DMD: variants seen among roughly 807,000 people sequenced by gnomAD.
The protein encoded by DMD is mutant dystrophin.
In DMD, 63 loss-of-function variants were observed where a neutral mutation model predicts 330.1. That is an observed-to-expected ratio of 0.19 (90% CI 0.16 to 0.24). DMD has a LOEUF of 0.24. Among genes scored for constraint, DMD ranks in the 10% least tolerant of loss-of-function variants. DMD has a pLI of 1.00. For missense variants in DMD, 3,344 were observed against 2,684.1 expected (o/e 1.25, Z -5.43); for synonymous variants, 1,223 against 959.8 (o/e 1.27, Z -5.07).
chrX:32,720,546 T>C (rs1239221520), intron 7 of DMD, among the ~76,000 whole-genome samples: 2 of 111,884 alleles, frequency 1.8e-5, no homozygotes, highest in African/African-American at 6.5e-5. Context: ...TTTATTATCT[T>C]GGTCCATGGG....
At chrX:32,955,385 G>GTT (rs761224519) in intron 2 of DMD, among the ~76,000 whole-genome samples, 1,666 of 9,305 alleles carry the variant, frequency 0.18, 31 homozygotes, top group Middle Eastern at 0.4. Context: ...TTTTTAGTAG[G>GTT]GTTTTTTTTT....
At position 32,855,585 on chromosome X, in the gene DMD, T is replaced by C. The variant is rs768269760; in HGVS notation, c.94-5765A>G. On this transcript the variant is annotated intron_variant, in intron 2 of 78. Coordinates refer to ENST00000357033, the MANE Select transcript of DMD (RefSeq NM_004006.3). The stretch of plus-strand genomic sequence containing the variant: ...AAGAAAAGACCATCTTTTCAATAAA[T>C]GGTGCTGAGAAAACTGGATATGGAT... Among the ~76,000 whole-genome samples, 5 of 111,794 alleles carry C rather than the reference T, an allele frequency of 4.5e-5. No homozygotes were observed. In the East Asian group the frequency reaches 1.4e-3, roughly 31 times the overall value.
intron 44 of DMD, among the ~76,000 whole-genome samples, chrX:32,075,857 T>C (rs757561772): frequency 9.3e-6 from 1 of 107,863 alleles, no homozygotes; most frequent in African/African-American, 3.4e-5. Flanking sequence ...GAGACCAGCC[T>C]GGGCAACATG....
At chrX:32,570,194 T>A (rs1162571761) in intron 15 of DMD, among the ~76,000 whole-genome samples, 5 of 111,376 alleles carry the variant, frequency 4.5e-5, no homozygotes, top group African/African-American at 1.6e-4. Flanking sequence ...TTTAGCACAG[T>A]GTATCTATAC....
intron 2 of DMD, among the ~76,000 whole-genome samples, chrX:32,854,788 C>T (rs749637583): frequency 9.0e-6 from 1 of 111,226 alleles, no homozygotes; most frequent in Non-Finnish European, 1.9e-5. Context: ...AATACTCAAA[C>T]TATTGTGAAA....
At chrX:32,724,737 G>A (rs2066685145) in intron 7 of DMD, among the ~76,000 whole-genome samples, 1 of 111,338 alleles carries the variant, frequency 9.0e-6, no homozygotes, top group East Asian at 2.8e-4. Flanking sequence ...CTTCTCTTCT[G>A]GGTTTATAAT....
intron 21 of DMD, among the ~76,000 whole-genome samples, chrX:32,479,262 C>T (rs1045457222): frequency 2.7e-5 from 3 of 111,144 alleles, no homozygotes; most frequent in African/African-American, 9.8e-5. Flanking sequence ...TTAATCACCT[C>T]ACCAACTTAT....
At chrX:32,249,817 C>G (rs1401888046) in intron 43 of DMD, among the ~76,000 whole-genome samples, 1 of 111,266 alleles carries the variant, frequency 9.0e-6, no homozygotes, top group African/African-American at 3.3e-5. Flanking sequence ...CTCAAGGAGA[C>G]CTAAATATTT....
chrX:31,422,045 T>TA (rs66514775), intron 60 of DMD, among the ~76,000 whole-genome samples: 41 of 11,027 alleles, frequency 3.7e-3, no homozygotes, highest in Non-Finnish European at 0.021. Context: ...ATATATATAT[T>TA]TTTTTTTTTC....
chrX:31,283,722 G>C (rs1252275170), intron 62 of DMD, among the ~76,000 whole-genome samples: 1 of 111,995 alleles, frequency 8.9e-6, no homozygotes, highest in Non-Finnish European at 1.9e-5. Flanking sequence ...AGATCTAGCA[G>C]ATAAAGAAAA....
At chrX:32,311,532 T>G (rs187472238) in intron 41 of DMD, among the ~76,000 whole-genome samples, 10 of 111,805 alleles carry the variant, frequency 8.9e-5, no homozygotes, top group African/African-American at 2.9e-4. Flanking sequence ...TATAGCAAAT[T>G]CACAGAATTG....
chrX:32,626,218 C>T (rs1386866845), intron 11 of DMD, among the ~76,000 whole-genome samples: 1 of 111,791 alleles, frequency 8.9e-6, no homozygotes, highest in African/African-American at 3.3e-5. Flanking sequence ...GGCCTGTAAT[C>T]CCAGCATTTT....
intron 1 of DMD, among the ~76,000 whole-genome samples, chrX:33,055,526 A>C (rs375777904): frequency 2.7e-5 from 3 of 112,220 alleles, no homozygotes; most frequent in South Asian, 3.7e-4. Flanking sequence ...AAATGCCTGA[A>C]CGCAAGAAAA....
At chrX:33,245,148 G>A (rs1412376048) in intron 1 of DMD, among the ~76,000 whole-genome samples, 1 of 111,246 alleles carries the variant, frequency 9.0e-6, no homozygotes, top group Non-Finnish European at 1.9e-5. Context: ...TTTATCTGGA[G>A]TGAGGTTTTA....
At chrX:32,747,690 T>C (rs1474997153) in intron 7 of DMD, among the ~76,000 whole-genome samples, 2 of 110,370 alleles carry the variant, frequency 1.8e-5, no homozygotes, top group Non-Finnish European at 3.8e-5. Context: ...TGTTTCTCAG[T>C]CTTGTCTGGA....
chrX:31,758,019 T>C (rs748638099), intron 51 of DMD, among the ~76,000 whole-genome samples: 4 of 110,399 alleles, frequency 3.6e-5, no homozygotes, highest in Non-Finnish European at 5.7e-5. Flanking sequence ...CTTCTCCCTC[T>C]GCCCCTACAC....
At chrX:32,833,592 C>G (rs989059563) in intron 4 of DMD, among the ~76,000 whole-genome samples, 4 of 106,000 alleles carry the variant, frequency 3.8e-5, no homozygotes, top group Non-Finnish European at 3.9e-5. Context: ...TTTGTAATTA[C>G]GTATCTTTTA....
chrX:32,543,655 G>C (rs1250022760), intron 17 of DMD, among the ~76,000 whole-genome samples: 3 of 112,116 alleles, frequency 2.7e-5, no homozygotes, highest in Non-Finnish European at 5.6e-5. Flanking sequence ...TCACGGATTT[G>C]TGCCATTATG....
chrX:32,994,731 G>A (rs34884130), intron 2 of DMD, among the ~76,000 whole-genome samples: 3,111 of 111,438 alleles, frequency 0.028, 73 homozygotes, highest in East Asian at 0.18. Context: ...TGATAGATAT[G>A]TTAATTAGCT....
Sources: gnomAD v4.1 joint callset for allele counts (sites outside exome capture counted in the v4.1 genomes callset) on GRCh38, gnomAD v4.1.1 for gene constraint, MANE v1.5 for transcripts, NCBI Gene and HGNC (gene_info 2026-07-23, HGNC 2026-07-21) for gene names.